The following RAP1GAP variants were observed in gnomAD, a reference collection of about 807,000 sequenced individuals.
RAP1GAP encodes the protein RAP1 GTPase activating protein.
In RAP1GAP, 35 loss-of-function variants were observed where a neutral mutation model predicts 87.2. The ratio of observed to expected loss-of-function variants is 0.40; its 90% CI spans 0.31 to 0.53. RAP1GAP has a LOEUF of 0.53. RAP1GAP is among the 20% of genes least tolerant of loss of function. The probability of loss-of-function intolerance (pLI) is 0.48; values close to 1 mark genes in which losing one functional copy is unlikely to be tolerated. For missense variants in RAP1GAP, 734 were observed against 898.9 expected, an observed-to-expected ratio of 0.82 and a Z score of 2.35; for synonymous variants, 375 against 363.9, an observed-to-expected ratio of 1.03 and a Z score of -0.35.
At chr1:21,660,353 T>TATATATATATATAGAGAGAGAGAGAGAGA in intron 1 of RAP1GAP, among the ~76,000 whole-genome samples, 1 of 26,816 alleles carries the variant, frequency 3.7e-5, no homozygotes, top group African/African-American at 1.1e-4. Flanking sequence ...ATATATTTAT[T>TATATATATATATAGAGAGAGAGAGAGAGA]GAGACAGTCT....
In RAP1GAP at chr1:21,622,020, C is replaced by A. The variant is rs2088152057; in HGVS notation, c.-18-1970G>T. Among the ~76,000 whole-genome samples the A allele has an allele frequency of 6.6e-6, 1 of 152,182 alleles. No homozygotes were observed. The highest frequency in any genetic ancestry group is 6.5e-5 in the Admixed American group (1 of 15,282). ...ACATGAAAGCACCACCACAAAGTGG[C>A]CCTGGAGCATTCAGAGCCCCCCAAA... On this transcript the variant is annotated intron_variant, in intron 3 of 24. Coordinates refer to ENST00000374765, the MANE Select transcript of RAP1GAP (RefSeq NM_002885.4). This position sits in a 1 kb window ranked among gnomAD's most constrained non-coding sequence, Gnocchi z 5.7.
chr1:21,636,888 A>AGAAGGAAGGAAGGAGG (rs1230251527), intron 2 of RAP1GAP, among the ~76,000 whole-genome samples: 1 of 134,374 alleles, frequency 7.4e-6, no homozygotes, highest in Non-Finnish European at 1.6e-5. Flanking sequence ...AAGGAAGGAA[A>AGAAGGAAGGAAGGAGG]GAAGGAAGGA....
intron 1 of RAP1GAP, among the ~76,000 whole-genome samples, chr1:21,660,245 A>G (rs1185985286): frequency 1.3e-5 from 2 of 148,980 alleles, no homozygotes; most frequent in African/African-American, 2.5e-5. Flanking sequence ...CTCTAAATGC[A>G]TAACTACACA....
chr1:21,608,908 G>C lies in RAP1GAP; in HGVS notation c.1100C>G (p.Thr367Arg). The change falls in exon 16 of 25, where the codon ACA (threonine) becomes AGA (arginine). Residue 367 changes from threonine (T) to arginine (R), a missense_variant. Thr to Arg is a moderately conservative substitution (Grantham distance 71). Coordinates refer to ENST00000374765, the MANE Select transcript of RAP1GAP (RefSeq NM_002885.4). The part of the protein sequence containing the change: ...KGPEFQEFLL[T>R]KLINAEYACY... ...GGCATATTCAGCATTGATCAGCTTTGTCAGCAAAAATTCCTGGAACTCAGG... is the reference window on the plus strand; with the variant it reads ...GGCATATTCAGCATTGATCAGCTTTCTCAGCAAAAATTCCTGGAACTCAGG... The C allele has an allele frequency of 6.2e-7, 1 of 1,614,090 alleles. No individual in the cohort carries two copies. Among genetic ancestry groups the C allele is most frequent in the South Asian group, 1.1e-5 (1 of 91,084 alleles).
chr1:21,610,014 C>T, intron 14 of RAP1GAP, 106 bp downstream of exon 14: 1 of 1,362,352 alleles, frequency 7.3e-7, no homozygotes, highest in Non-Finnish European at 9.9e-7. Flanking sequence ...TCCATGGTCC[C>T]CCCATTATAG....
At position 21,602,596 on chromosome 1, in the gene RAP1GAP, T is replaced by C. The variant is rs569606697; in HGVS notation, c.1538+208A>G. 5.9e-5 allele frequency among the ~76,000 whole-genome samples: 9 copies of C among 152,342 alleles called. 1 individual carries two copies. The East Asian group carries it at 1.7e-3, about 29-fold the overall frequency. On this transcript the variant is annotated intron_variant, in intron 19 of 24. Transcript: ENST00000374765. ...GGCAAGCCCCTTGACTCCTCTGACC[T>C]ACCGCTTCTTGATCTGCATGTGGCA...
intron 13 of RAP1GAP, 67 bp downstream of exon 13, chr1:21,611,385 G>A: frequency 2.6e-6 from 4 of 1,549,716 alleles, no homozygotes; most frequent in Middle Eastern, 1.7e-4. Flanking sequence ...CGTGATGGAG[G>A]CTGAACAGAC....
In RAP1GAP at chr1:21,603,988, G is replaced by A; in HGVS notation, c.1429-1075C>T. 8.5e-7 allele frequency: 1 copy of A among 1,172,038 alleles called. No individual in the cohort carries two copies. Among genetic ancestry groups the A allele is most frequent in the Non-Finnish European group, 1.2e-6 (1 of 837,272 alleles). The allele number at this position is 1,172,038 out of a possible 1,614,324, so 72.6% of individuals were successfully genotyped here. On this transcript the variant is annotated intron_variant, in intron 18 of 24. Transcript: ENST00000374765. The surrounding 1 kb of genome is among the most constrained non-coding windows in gnomAD (Gnocchi z 6.0). ...CAGAGAGCAAGAGAGATGGTGGGAG[G>A]GAGACACAGAGAGGAGGAGAGGCAG...
At chr1:21,601,404 G>A (rs557943893) in intron 20 of RAP1GAP, among the ~76,000 whole-genome samples, 7 of 152,304 alleles carry the variant, frequency 4.6e-5, no homozygotes, top group South Asian at 2.1e-4. Context: ...ACCATGATCC[G>A]GCAACAGCCT....
intron 5 of RAP1GAP, 36 bp downstream of exon 5, chr1:21,618,989 C>T (rs754567531): frequency 2.5e-6 from 4 of 1,571,114 alleles, no homozygotes; most frequent in Non-Finnish European, 3.5e-6. Context: ...CCCCTCCACC[C>T]CCTAGAGAGG....
chr1:21,603,901 A>T lies in RAP1GAP; in HGVS notation c.1429-988T>A, dbSNP rs759978429. Reference sequence around the variant, plus strand: ...CGAATCTACTCGCACTTTTCCCAGGAATAAGCAATGACTGGCAAGCAGCAG... The same window carrying T: ...CGAATCTACTCGCACTTTTCCCAGGTATAAGCAATGACTGGCAAGCAGCAG... On this transcript the variant is annotated intron_variant, in intron 18 of 24. Coordinates refer to ENST00000374765, the MANE Select transcript of RAP1GAP (RefSeq NM_002885.4). This position sits in a 1 kb window ranked among gnomAD's most constrained non-coding sequence, Gnocchi z 6.0. 1.9e-6 allele frequency: 3 copies of T among 1,548,650 alleles called. No individual in the cohort carries two copies. In the African/African-American group the frequency reaches 4.1e-5, roughly 21 times the overall value.
intron 2 of RAP1GAP, among the ~76,000 whole-genome samples, chr1:21,633,689 C>T (rs1352419101): frequency 6.6e-6 from 1 of 152,092 alleles, no homozygotes; most frequent in African/African-American, 2.4e-5. Context: ...CCAATGAATA[C>T]AGGGCAGAGA....
intron 4 of RAP1GAP, 69 bp from the exon 5 acceptor site, chr1:21,619,141 GCGTGCA>G: frequency 2.7e-6 from 4 of 1,488,878 alleles, no homozygotes; most frequent in Non-Finnish European, 3.7e-6. Flanking sequence ...CCTCCCCAAG[GCGTGCA>G]AGGGGAAAGC....
intron 1 of RAP1GAP, among the ~76,000 whole-genome samples, chr1:21,662,796 C>T (rs1277896373): frequency 6.6e-6 from 1 of 152,202 alleles, no homozygotes; most frequent in Non-Finnish European, 1.5e-5. Flanking sequence ...ATCTCAGCCC[C>T]AGCCACTCAC....
intron 16 of RAP1GAP, 29 bp downstream of exon 16, chr1:21,608,821 G>A (rs2076452892): frequency 1.3e-6 from 2 of 1,591,078 alleles, no homozygotes; most frequent in Admixed American, 1.7e-5. Flanking sequence ...TGAGAAGAGG[G>A]TCACCCAGCC....
At chr1:21,628,048 A>C (rs1327351978) in intron 2 of RAP1GAP, among the ~76,000 whole-genome samples, 1 of 152,198 alleles carries the variant, frequency 6.6e-6, no homozygotes, top group African/African-American at 2.4e-5. Flanking sequence ...CACTCAATGA[A>C]AACTTTCACA....
intron 19 of RAP1GAP, 116 bp downstream of exon 19, chr1:21,602,688 G>C: frequency 1.1e-6 from 1 of 875,700 alleles, no homozygotes; most frequent in Non-Finnish European, 1.7e-6. Context: ...GCTGTCACTA[G>C]TGGGGATGGA....
chr1:21,610,843 A>C (rs997418273), intron 13 of RAP1GAP, among the ~76,000 whole-genome samples: 55 of 152,314 alleles, frequency 3.6e-4, no homozygotes, highest in African/African-American at 1.3e-3. Flanking sequence ...AAAGACACTA[A>C]AAATAAGGAA....
At chr1:21,626,162 C>T in intron 3 of RAP1GAP, 142 bp downstream of exon 3, 1 of 707,844 alleles carries the variant, frequency 1.4e-6, no homozygotes. Flanking sequence ...GAGTGGCAAC[C>T]CCTTAGGAGC....
Sources: allele counts gnomAD v4.1 joint callset (sites outside exome capture counted in the v4.1 genomes callset), GRCh38; gene constraint gnomAD v4.1.1; non-coding constraint Gnocchi (gnomAD v3.1); transcripts MANE v1.5; gene names NCBI Gene and HGNC (gene_info 2026-07-23, HGNC 2026-07-21).